The following ANKFY1 variants were observed in gnomAD, a reference collection of about 807,000 sequenced individuals.
The protein encoded by ANKFY1 is ankyrin repeat and FYVE domain-containing protein 1.
In ANKFY1, 47 loss-of-function variants were observed where a neutral mutation model predicts 128.3. That is an observed-to-expected ratio of 0.37 (90% CI 0.29 to 0.47). The LOEUF is 0.47. ANKFY1 is among the 20% of genes least tolerant of loss of function. The pLI is 1.00. For missense variants in ANKFY1, 1,222 were observed against 1,510.6 expected (o/e 0.81, Z 3.17); for synonymous variants, 553 against 601.6 (o/e 0.92, Z 1.18).
At chr17:4,182,054 G>T in intron 15 of ANKFY1, 127 bp downstream of exon 15, 1 of 1,004,496 alleles carries the variant, frequency 1.0e-6, no homozygotes, top group Non-Finnish European at 1.3e-6. Context: ...GCTTTCAACT[G>T]CTTGTCCTTG....
chr17:4,231,281 A>T (rs1413559733), intron 3 of ANKFY1, among the ~76,000 whole-genome samples: 1 of 152,182 alleles, frequency 6.6e-6, no homozygotes, highest in Non-Finnish European at 1.5e-5. Flanking sequence ...GGATCATCTG[A>T]GCCCAGGAGT....
At chr17:4,172,739 T>C in intron 21 of ANKFY1, 59 bp from the exon 22 acceptor site, 1 of 1,592,642 alleles carries the variant, frequency 6.3e-7, no homozygotes, top group Non-Finnish European at 8.5e-7. Flanking sequence ...ACACACAAAA[T>C]AAATAGAATT....
At chr17:4,200,560 T>C (rs1485288130) in intron 7 of ANKFY1, among the ~76,000 whole-genome samples, 1 of 152,162 alleles carries the variant, frequency 6.6e-6, no homozygotes, top group Non-Finnish European at 1.5e-5. Context: ...ATCACATCCT[T>C]CTTCAGCTGG....
chr17:4,167,974 G>A lies in ANKFY1; in HGVS notation c.3378-63C>T, dbSNP rs912353521. On this transcript the variant is annotated intron_variant, in intron 24 of 24. Coordinates refer to ENST00000341657, the MANE Select transcript of ANKFY1 (RefSeq NM_001330063.2). This position sits in a 1 kb window ranked among gnomAD's most constrained non-coding sequence, Gnocchi z 4.1. ...AACGACAGACTCTGCTTCCTGGCAC[G>A]TGAGGACAACCGCAGCAGGGCCTGG... 5.8e-5 allele frequency: 91 copies of A among 1,566,114 alleles called. No individual in the cohort carries two copies. The highest frequency in any genetic ancestry group is 6.7e-5 in the Non-Finnish European group (77 of 1,151,682).
chr17:4,203,838 AAAAAAAG>A (rs1305257933), intron 7 of ANKFY1, among the ~76,000 whole-genome samples: 4 of 142,400 alleles, frequency 2.8e-5, no homozygotes, highest in African/African-American at 5.2e-5. Flanking sequence ...AAAAAAAAAA[AAAAAAAG>A]AAAGAAAGAA....
chr17:4,233,915 G>A (rs531643717), intron 3 of ANKFY1, among the ~76,000 whole-genome samples: 8 of 152,256 alleles, frequency 5.3e-5, no homozygotes, highest in African/African-American at 1.9e-4. Context: ...CAATCACTTC[G>A]GCAAGTCCAG....
chr17:4,256,240 A>G (rs1968114543), intron 1 of ANKFY1, among the ~76,000 whole-genome samples: 1 of 152,098 alleles, frequency 6.6e-6, no homozygotes, highest in African/African-American at 2.4e-5. Context: ...CATCCTGGCT[A>G]ACAGAGTGAA....
chr17:4,164,617 A>C lies in ANKFY1; in HGVS notation c.*3162T>G, dbSNP rs973186933. The stretch of plus-strand genomic sequence containing the variant: ...CTTGCCTTTCAGGGTGAAGCATTAC[A>C]TAGTTCAAAAGTGTTCTTTTTCTCC... On this transcript the variant is annotated 3_prime_UTR_variant, in exon 25 of 25. Transcript: ENST00000341657. 1 of 152,278 alleles carries C rather than the reference A, an allele frequency of 6.6e-6. No individual in the cohort carries two copies. Among genetic ancestry groups the C allele is most frequent in the Non-Finnish European group, 1.5e-5 (1 of 68,058 alleles). The allele number at this position is 152,278 out of a possible 1,614,324, so 9.4% of individuals were successfully genotyped here.
chr17:4,243,153 G>A (rs945924382), intron 1 of ANKFY1, among the ~76,000 whole-genome samples: 5 of 151,974 alleles, frequency 3.3e-5, no homozygotes, highest in Non-Finnish European at 5.9e-5. Flanking sequence ...TGCAACCTCC[G>A]CCTCCTGGGT....
At chr17:4,232,227 C>T (rs989614833) in intron 3 of ANKFY1, among the ~76,000 whole-genome samples, 1 of 152,170 alleles carries the variant, frequency 6.6e-6, no homozygotes, top group Non-Finnish European at 1.5e-5. Context: ...TATTTATACA[C>T]CTGTTTACAA....
chr17:4,210,577 G>A (rs185248466), intron 4 of ANKFY1, among the ~76,000 whole-genome samples: 2 of 151,636 alleles, frequency 1.3e-5, no homozygotes, highest in Admixed American at 6.6e-5. Context: ...CTGTGGTGGC[G>A]CATGCCTGTA....
chr17:4,176,397 CCTGT>C (rs1451461968), intron 19 of ANKFY1, among the ~76,000 whole-genome samples: 1 of 152,154 alleles, frequency 6.6e-6, no homozygotes, highest in Non-Finnish European at 1.5e-5. Context: ...ACGATGAGGC[CCTGT>C]CTCAGCTCTG....
At chr17:4,175,672 T>C (rs867669398) in intron 19 of ANKFY1, among the ~76,000 whole-genome samples, 2 of 152,220 alleles carry the variant, frequency 1.3e-5, no homozygotes, top group African/African-American at 4.8e-5. Context: ...CCCAGTCTAA[T>C]CACTGATCGA....
At chr17:4,173,592 C>T (rs1368443447) in intron 20 of ANKFY1, 148 bp from the exon 21 acceptor site, 10 of 771,024 alleles carry the variant, frequency 1.3e-5, no homozygotes, top group East Asian at 5.4e-5. Flanking sequence ...TGGTCTTCAC[C>T]GCCCTCAAGG....
At chr17:4,175,400 C>T (rs555443388) in intron 19 of ANKFY1, among the ~76,000 whole-genome samples, 3 of 152,058 alleles carry the variant, frequency 2.0e-5, no homozygotes, top group South Asian at 4.2e-4. Flanking sequence ...TCAACACAGC[C>T]GGAGGGACCT....
intron 5 of ANKFY1, among the ~76,000 whole-genome samples, chr17:4,209,016 G>GC (rs2060077055): frequency 6.6e-6 from 1 of 151,608 alleles, no homozygotes; most frequent in Non-Finnish European, 1.5e-5. Flanking sequence ...CTGAGACCGT[G>GC]CCATTGCACT....
At chr17:4,198,724 T>A (rs1393078449) in intron 7 of ANKFY1, among the ~76,000 whole-genome samples, 1 of 152,128 alleles carries the variant, frequency 6.6e-6, no homozygotes, top group Non-Finnish European at 1.5e-5. Context: ...TAATAAGAAG[T>A]TTACAATGAA....
chr17:4,263,700 G>A (rs1391652267), intron 1 of ANKFY1: 1 of 1,500,176 alleles, frequency 6.7e-7, no homozygotes, highest in Admixed American at 2.3e-5. Flanking sequence ...GCCCGGCTCC[G>A]CAGCCGGCCG....
chr17:4,194,959 C>T lies in ANKFY1; in HGVS notation c.1372+19G>A, dbSNP rs375434076. 34 of 1,614,076 alleles carry T rather than the reference C, an allele frequency of 2.1e-5. No individual in the cohort carries two copies. Among genetic ancestry groups the T allele is most frequent in the East Asian group, 1.3e-4 (6 of 44,890 alleles). ...CCTGCAGACCCCAGCGTCGCCCCTT[C>T]GGGAGGCACGTGCTTTACCTGTCGC... is the stretch of plus-strand genomic sequence containing the variant. On this transcript the variant is annotated intron_variant, in intron 10 of 24. Transcript: ENST00000341657.
Sources: gnomAD v4.1 joint callset for allele counts (sites outside exome capture counted in the v4.1 genomes callset) on GRCh38, gnomAD v4.1.1 for gene constraint, Gnocchi (gnomAD v3.1) non-coding constraint, MANE v1.5 for transcripts, NCBI Gene and HGNC (gene_info 2026-07-23, HGNC 2026-07-21) for gene names.